Variants in FAXDC2 observed in about 807,000 individuals in gnomAD.
FAXDC2 encodes the protein fatty acid hydroxylase domain containing 2, also known as fatty acid hydroxylase domain-containing protein 2.
A neutral mutation model predicts 40.9 loss-of-function variants in FAXDC2; 41 were observed. The observed-to-expected ratio is 1.00, with a 90% CI of 0.78 to 1.30. FAXDC2 has a LOEUF of 1.30. Among genes scored for constraint, FAXDC2 ranks in the 50% most tolerant of loss-of-function variants. The pLI, the probability that FAXDC2 is intolerant of heterozygous loss-of-function variation, is 0.00. For synonymous variants in FAXDC2, 157 were observed against 149.3 expected, an observed-to-expected ratio of 1.05 and a Z score of -0.38; for missense variants, 390 against 408.8, an observed-to-expected ratio of 0.95 and a Z score of 0.40.
rs193232769 is a variant in FAXDC2, at chr5:154,848,881, C to T, written c.-1+1602G>A. The stretch of plus-strand genomic sequence containing the variant: ...GCTCTGGAGGCTGAGACAGGAGAAT[C>T]GCTTGAACCTGGGAGGCGGAGGTTG... On this transcript the variant is annotated intron_variant, in intron 1 of 8. Transcript: ENST00000326080. Among the ~76,000 whole-genome samples, 75 of 151,988 alleles carry T rather than the reference C, an allele frequency of 4.9e-4. 3 individuals carry two copies. In the East Asian group the frequency reaches 0.014, roughly 29 times the overall value.
chr5:154,834,883 C>T lies in FAXDC2; in HGVS notation c.100G>A (p.Gly34Arg), dbSNP rs1561657309. 1 of 1,610,360 alleles carries T rather than the reference C, an allele frequency of 6.2e-7. No homozygotes were observed. The highest frequency in any genetic ancestry group is 2.2e-5 in the East Asian group (1 of 44,788). Reference protein sequence around the residue: ...MRRTAFILGSGLLSFVAFWNS... With the variant: ...MRRTAFILGSRLLSFVAFWNS... ...CAGAAGGCCACAAATGAGAGAAGTCCAGAGCCCAGGATGAAAGCTGTCCTC... is the reference window on the plus strand; with the variant it reads ...CAGAAGGCCACAAATGAGAGAAGTCTAGAGCCCAGGATGAAAGCTGTCCTC... Residue 34 changes from glycine (G) to arginine (R), a missense_variant, in exon 3 of 9, where the codon GGA (glycine) becomes AGA (arginine). Coordinates refer to ENST00000326080, the MANE Select transcript of FAXDC2 (RefSeq NM_032385.5).
intron 5 of FAXDC2, 181 bp from the exon 6 acceptor site, chr5:154,823,773 G>A (rs570362480): frequency 5.4e-5 from 32 of 594,682 alleles, no homozygotes; most frequent in African/African-American, 3.9e-4. Flanking sequence ...GGCCCTGGCT[G>A]CTAGGCAGGT....
intron 1 of FAXDC2, among the ~76,000 whole-genome samples, chr5:154,846,537 T>C (rs558822069): frequency 5.3e-5 from 8 of 152,200 alleles, no homozygotes; most frequent in South Asian, 2.1e-4. Flanking sequence ...TAAAAGTAAA[T>C]ATTTTTTAAA....
In FAXDC2 at chr5:154,830,871, A is replaced by G; in HGVS notation, c.296T>C (p.Leu99Ser). The change falls in exon 5 of 9, where the codon TTG becomes TCG. Residue 99 changes from leucine to serine, a missense_variant. Leu to Ser is a moderately radical substitution (Grantham distance 145). Coordinates refer to ENST00000326080, the MANE Select transcript of FAXDC2 (RefSeq NM_032385.5). Reference sequence around the variant, plus strand: ...AGGTTTTCCTGTTGTGTCAACCACCAATAGAAGCCCATTGAAGCTCCAGAA... The same window carrying G: ...AGGTTTTCCTGTTGTGTCAACCACCGATAGAAGCCCATTGAAGCTCCAGAA... ...LFFWSFNGLL[L>S]VVDTTGKPNF... is the part of the protein sequence containing the mutation. 2 of 1,614,198 alleles carry G rather than the reference A, an allele frequency of 1.2e-6. No homozygotes were observed. The highest frequency in any genetic ancestry group is 1.7e-6 in the Non-Finnish European group (2 of 1,180,014).
chr5:154,834,571 T>C, intron 4 of FAXDC2, 54 bp downstream of exon 4: 1 of 1,236,166 alleles, frequency 8.1e-7, no homozygotes, highest in South Asian at 1.2e-5. Context: ...ACAAAAAGAA[T>C]TAAGTTATAA....
intron 6 of FAXDC2, 25 bp downstream of exon 6, chr5:154,823,362 T>C: frequency 6.2e-7 from 1 of 1,608,704 alleles, no homozygotes; most frequent in East Asian, 2.2e-5. Flanking sequence ...AGGAGCCAGC[T>C]GTGCCTCAGG....
chr5:154,823,803 G>A, intron 5 of FAXDC2: 1 of 553,710 alleles, frequency 1.8e-6, no homozygotes. Flanking sequence ...CCCTGTCCTT[G>A]GAAACTTCAG....
At chr5:154,827,877 T>A (rs1760082431) in intron 5 of FAXDC2, among the ~76,000 whole-genome samples, 2 of 151,498 alleles carry the variant, frequency 1.3e-5, no homozygotes, top group South Asian at 4.2e-4. Flanking sequence ...TGAGTCAGTG[T>A]CTCACTCTGT....
chr5:154,833,632 G>C (rs919181878), intron 4 of FAXDC2, among the ~76,000 whole-genome samples: 1 of 151,976 alleles, frequency 6.6e-6, no homozygotes, highest in Non-Finnish European at 1.5e-5. Context: ...GGGATTACAG[G>C]CGTGAGCCAC....
In FAXDC2 at chr5:154,841,838, C is replaced by G. The variant is rs191391083; in HGVS notation, c.1-3660G>C. On this transcript the variant is annotated intron_variant, in intron 1 of 8. Coordinates refer to ENST00000326080, the MANE Select transcript of FAXDC2 (RefSeq NM_032385.5). ...GCAACCTCCGCCTCCCTGGTTCAAG[C>G]GATTATCCTGCCTCGGTCTCCCAAG... 4.6e-5 allele frequency among the ~76,000 whole-genome samples: 7 copies of G among 151,800 alleles called. No individual in the cohort carries two copies. The East Asian group carries it at 1.4e-3, about 30-fold the overall frequency.
At position 154,841,089 on chromosome 5, in the gene FAXDC2, G is replaced by T. The variant is rs533104756; in HGVS notation, c.1-2911C>A. 3.3e-5 allele frequency among the ~76,000 whole-genome samples: 5 copies of T among 152,262 alleles called. No homozygotes were observed. The South Asian group carries it at 1.0e-3, about 32-fold the overall frequency. On this transcript the variant is annotated intron_variant, in intron 1 of 8. Transcript: ENST00000326080. Reference sequence around the variant, plus strand: ...CAGGGAGACACTGTCTGACTTGAGAGCAGGCACCAGGATGTTTGGTGTGGC... The same window carrying T: ...CAGGGAGACACTGTCTGACTTGAGATCAGGCACCAGGATGTTTGGTGTGGC...
Position 154,829,031 on chromosome 5 carries a change from T to C in FAXDC2, c.366+1770A>G, listed in dbSNP as rs191837389. Among the ~76,000 whole-genome samples, 20 of 150,512 alleles carry C rather than the reference T, an allele frequency of 1.3e-4. No homozygotes were observed. The East Asian group carries it at 3.4e-3, about 25-fold the overall frequency. On this transcript the variant is annotated intron_variant, in intron 5 of 8. Coordinates refer to ENST00000326080, the MANE Select transcript of FAXDC2 (RefSeq NM_032385.5). Reference sequence around the variant, plus strand: ...GCCTCCCAGGTTCAAGCAATTCTCCTCCAGGCATGCGCCACCATGCCCAGC... The same window carrying C: ...GCCTCCCAGGTTCAAGCAATTCTCCCCCAGGCATGCGCCACCATGCCCAGC...
rs1454702422 is a variant in FAXDC2 at position 154,818,962 on chromosome 5, G to A, written c.*1354C>T. 6.6e-6 allele frequency: 1 copy of A among 152,264 alleles called. No individual in the cohort carries two copies. The highest frequency in any genetic ancestry group is 1.5e-5 in the Non-Finnish European group (1 of 68,078). The allele number at this position is 152,264 out of a possible 1,614,324, so 9.4% of individuals were successfully genotyped here. On this transcript the variant is annotated 3_prime_UTR_variant, in exon 9 of 9. Transcript: ENST00000326080. ...GAGACAGACAGGCGAGACTGTGGAA[G>A]GCCAGGGAGATGCTGCCTGGTAAGT...
At chr5:154,839,488 A>T (rs918790244) in intron 1 of FAXDC2, among the ~76,000 whole-genome samples, 2 of 133,330 alleles carry the variant, frequency 1.5e-5, no homozygotes, top group Non-Finnish European at 3.1e-5. Context: ...TACAAAAAAT[A>T]AAAAAAAAAA....
Position 154,820,157 on chromosome 5 carries a change from T to C in FAXDC2, c.*159A>G. 1.6e-6 allele frequency: 1 copy of C among 619,966 alleles called. No individual in the cohort carries two copies. Among genetic ancestry groups the C allele is most frequent in the Non-Finnish European group, 2.9e-6 (1 of 342,240 alleles). The allele number at this position is 619,966 out of a possible 1,614,324, so 38.4% of individuals were successfully genotyped here. On this transcript the variant is annotated 3_prime_UTR_variant, in exon 9 of 9. Coordinates refer to ENST00000326080, the MANE Select transcript of FAXDC2 (RefSeq NM_032385.5). ...GGGCAGTAGTTTGAAGAAAGCCTCATCCTTGGCCCTGCTTTTCCGGGAAGC... is the reference window on the plus strand; with the variant it reads ...GGGCAGTAGTTTGAAGAAAGCCTCACCCTTGGCCCTGCTTTTCCGGGAAGC...
intron 1 of FAXDC2, among the ~76,000 whole-genome samples, chr5:154,839,239 T>C (rs1304413879): frequency 2.0e-5 from 3 of 150,932 alleles, no homozygotes; most frequent in Admixed American, 6.6e-5. Flanking sequence ...GGCAGGAGAA[T>C]TGCTTGAACC....
intron 1 of FAXDC2, among the ~76,000 whole-genome samples, chr5:154,849,764 T>G (rs1760686834): frequency 6.6e-6 from 1 of 152,224 alleles, no homozygotes; most frequent in African/African-American, 2.4e-5. Context: ...AATCAGCATC[T>G]TGTCTTGCTT....
rs1161342487 is a variant in FAXDC2 at position 154,830,792 on chromosome 5, A to T, written c.366+9T>A. On this transcript the variant is annotated intron_variant, in intron 5 of 8. Coordinates refer to ENST00000326080, the MANE Select transcript of FAXDC2 (RefSeq NM_032385.5). ...CTGTGCTTTGACCAGAAGTTGCAACAACACTTACAGGTTCATTCTTGCCGA... is the reference window on the plus strand; with the variant it reads ...CTGTGCTTTGACCAGAAGTTGCAACTACACTTACAGGTTCATTCTTGCCGA... 6.2e-7 allele frequency: 1 copy of T among 1,613,906 alleles called. No homozygotes were observed.
intron 5 of FAXDC2, among the ~76,000 whole-genome samples, chr5:154,825,529 C>T (rs1226981330): frequency 6.6e-6 from 1 of 150,952 alleles, no homozygotes. Context: ...TGGTAGTGTG[C>T]GCCTGTAATC....
Sources: allele counts gnomAD v4.1 joint callset (sites outside exome capture counted in the v4.1 genomes callset), GRCh38; gene constraint gnomAD v4.1.1; transcripts MANE v1.5; gene names NCBI Gene and HGNC (gene_info 2026-07-23, HGNC 2026-07-21).